The following FAM117B variants were observed in gnomAD, a reference collection of about 807,000 sequenced individuals.
FAM117B encodes family with sequence similarity 117 member B.
In FAM117B, 22 loss-of-function variants were observed where a neutral mutation model predicts 52.8. The ratio of observed to expected loss-of-function variants is 0.42; its 90% CI spans 0.30 to 0.59. FAM117B has a LOEUF of 0.59. Among genes scored for constraint, FAM117B ranks in the 20% least tolerant of loss-of-function variants. FAM117B has a pLI of 0.22. For missense variants in FAM117B, 678 were observed against 802.6 expected, an observed-to-expected ratio of 0.84 and a Z score of 1.88; for synonymous variants, 309 against 324.1, an observed-to-expected ratio of 0.95 and a Z score of 0.50.
intron 2 of FAM117B, among the ~76,000 whole-genome samples, chr2:202,717,425 T>A (rs1391363931): frequency 6.6e-6 from 1 of 152,100 alleles, no homozygotes; most frequent in Non-Finnish European, 1.5e-5. Flanking sequence ...TGAGCTGAGA[T>A]GGTGTCACTG....
intron 1 of FAM117B, among the ~76,000 whole-genome samples, chr2:202,658,869 T>C (rs191489859): frequency 1.2e-4 from 18 of 152,304 alleles, no homozygotes; most frequent in Admixed American, 1.1e-3. Flanking sequence ...CTTAATTATT[T>C]ATGTTTCTCA....
chr2:202,666,764 G>A (rs1195992708), intron 1 of FAM117B, among the ~76,000 whole-genome samples: 8 of 151,106 alleles, frequency 5.3e-5, no homozygotes, highest in South Asian at 4.2e-4. Flanking sequence ...TGCCTCCCGG[G>A]TTCAAGTGAT....
intron 4 of FAM117B, among the ~76,000 whole-genome samples, chr2:202,731,332 A>AATATATATATATATATATATAT (rs35255766): frequency 6.5e-4 from 20 of 30,766 alleles, no homozygotes; most frequent in Non-Finnish European, 1.1e-3. Flanking sequence ...GAGAAATTGG[A>AATATATATATATATATATATAT]ATATATATAT....
intron 4 of FAM117B, among the ~76,000 whole-genome samples, chr2:202,739,250 T>C (rs1691487547): frequency 6.6e-6 from 1 of 152,230 alleles, no homozygotes; most frequent in African/African-American, 2.4e-5. Context: ...TAACTTTGAA[T>C]GTTAATATTT....
chr2:202,651,060 CTTTTT>C (rs138809054), intron 1 of FAM117B, among the ~76,000 whole-genome samples: 2 of 124,218 alleles, frequency 1.6e-5, no homozygotes, highest in Admixed American at 8.2e-5. Context: ...ATTTGCCATT[CTTTTT>C]TTTTTTTTTT....
At chr2:202,702,195 A>G (rs1322761229) in intron 2 of FAM117B, among the ~76,000 whole-genome samples, 1 of 152,162 alleles carries the variant, frequency 6.6e-6, no homozygotes, top group Non-Finnish European at 1.5e-5. Context: ...GTTCGAGACC[A>G]GCCGGACCAA....
chr2:202,761,264 G>A (rs148051882), intron 7 of FAM117B, among the ~76,000 whole-genome samples: 572 of 152,320 alleles, frequency 3.8e-3, no homozygotes, highest in Non-Finnish European at 6.6e-3. Context: ...TAGAGATTTG[G>A]TTGATTGGCT....
intron 1 of FAM117B, among the ~76,000 whole-genome samples, chr2:202,663,875 C>A (rs563632364): frequency 1.3e-5 from 2 of 152,306 alleles, no homozygotes; most frequent in East Asian, 3.9e-4. Flanking sequence ...TGAGCCACTG[C>A]GCCCAGCCCC....
chr2:202,701,104 C>T (rs1397557132), intron 2 of FAM117B, among the ~76,000 whole-genome samples: 1 of 152,184 alleles, frequency 6.6e-6, no homozygotes, highest in Non-Finnish European at 1.5e-5. Context: ...GGCCAACTCT[C>T]TTGTTAGGGG....
intron 4 of FAM117B, among the ~76,000 whole-genome samples, chr2:202,732,799 C>T (rs373546819): frequency 8.7e-5 from 13 of 149,304 alleles, no homozygotes; most frequent in Non-Finnish European, 1.3e-4. Context: ...GCAGCCTGGG[C>T]GACAGAGTGA....
intron 1 of FAM117B, among the ~76,000 whole-genome samples, chr2:202,667,879 G>T (rs1690229271): frequency 1.3e-5 from 2 of 151,816 alleles, no homozygotes; most frequent in Non-Finnish European, 2.9e-5. Flanking sequence ...GTAGTGGATT[G>T]AGGTTATAGG....
intron 1 of FAM117B, among the ~76,000 whole-genome samples, chr2:202,672,420 C>T (rs2105766245): frequency 6.6e-6 from 1 of 152,268 alleles, no homozygotes; most frequent in African/African-American, 2.4e-5. Flanking sequence ...ACCATGTTGG[C>T]CAGGGCTGAT....
At chr2:202,714,086 A>G (rs932043564) in intron 2 of FAM117B, among the ~76,000 whole-genome samples, 14 of 152,086 alleles carry the variant, frequency 9.2e-5, no homozygotes, top group Middle Eastern at 3.2e-3. Context: ...TCAGGAGCAT[A>G]TTGTTTAATT....
chr2:202,647,136 A>G (rs2105754620), intron 1 of FAM117B, among the ~76,000 whole-genome samples: 1 of 152,200 alleles, frequency 6.6e-6, no homozygotes, highest in South Asian at 2.1e-4. Flanking sequence ...CTAAAGGTAT[A>G]TTTAATTTAA....
rs912761421 is a variant in FAM117B at position 202,635,427 on chromosome 2, CGGCGGCGGT to C, written c.244_252del (p.Gly82_Gly84del). On this transcript the variant is annotated inframe_deletion, in exon 1 of 8. Transcript: ENST00000392238. The stretch of plus-strand genomic sequence containing the variant: ...GCGCCTCAGGCCCCGCAGGCGGCGG[CGGCGGCGGT>C]GGCCCGCGCACCGCCTCGCGCAGCA... The C allele has an allele frequency of 2.4e-6, 3 of 1,235,298 alleles. No individual in the cohort carries two copies. Among genetic ancestry groups the C allele is most frequent in the Non-Finnish European group, 3.0e-6 (3 of 992,592 alleles). 76.5% of individuals were successfully genotyped at this position (1,235,298 alleles called of 1,614,324 possible). A position where few individuals can be genotyped will look rare whatever the true frequency, so the allele number is the denominator to read the frequency against.
intron 4 of FAM117B, among the ~76,000 whole-genome samples, chr2:202,753,271 G>C (rs1289562070): frequency 1.3e-5 from 2 of 152,116 alleles, no homozygotes; most frequent in African/African-American, 4.8e-5. Context: ...AATGAGGAAA[G>C]GATCTCCTAT....
intron 1 of FAM117B, among the ~76,000 whole-genome samples, chr2:202,648,196 A>G (rs1689898054): frequency 6.6e-6 from 1 of 152,124 alleles, no homozygotes; most frequent in African/African-American, 2.4e-5. Flanking sequence ...TTCCAGAGCT[A>G]TTCTATGTAT....
At chr2:202,684,086 C>T (rs1690502555) in intron 1 of FAM117B, among the ~76,000 whole-genome samples, 2 of 152,156 alleles carry the variant, frequency 1.3e-5, no homozygotes, top group East Asian at 1.9e-4. Flanking sequence ...TGGCTGGTCT[C>T]GAACTCATGA....
chr2:202,643,629 C>G (rs1240644465), intron 1 of FAM117B, among the ~76,000 whole-genome samples: 2 of 151,948 alleles, frequency 1.3e-5, no homozygotes, highest in Non-Finnish European at 2.9e-5. Context: ...CATCTTTCTC[C>G]ACTCCCTCTT....
Sources: allele counts gnomAD v4.1 joint callset (sites outside exome capture counted in the v4.1 genomes callset), GRCh38; gene constraint gnomAD v4.1.1; transcripts MANE v1.5; gene names NCBI Gene and HGNC (gene_info 2026-07-23, HGNC 2026-07-21).